The following PRKCI variants were observed in gnomAD, a reference collection of about 807,000 sequenced individuals.
The protein encoded by PRKCI is protein kinase C iota type.
In PRKCI, 43 loss-of-function variants were observed where a neutral mutation model predicts 84.0. The ratio of observed to expected loss-of-function variants is 0.51; its 90% CI spans 0.40 to 0.66. The LOEUF (loss-of-function observed/expected upper bound fraction) is 0.66. PRKCI is among the 30% of genes least tolerant of loss of function. The pLI is 0.00. For synonymous variants in PRKCI, 216 were observed against 234.4 expected, an observed-to-expected ratio of 0.92 and a Z score of 0.72; for missense variants, 459 against 745.6, an observed-to-expected ratio of 0.62 and a Z score of 4.48.
At chr3:170,245,970 T>TTC (rs1371135228) in intron 2 of PRKCI, among the ~76,000 whole-genome samples, 1 of 79,196 alleles carries the variant, frequency 1.3e-5, no homozygotes, top group Non-Finnish European at 2.8e-5. Context: ...TTTTTTTTTT[T>TTC]CTGACACAAA....
intron 8 of PRKCI, among the ~76,000 whole-genome samples, chr3:170,278,939 C>T (rs144323799): frequency 1.3e-5 from 2 of 152,180 alleles, no homozygotes; most frequent in Non-Finnish European, 2.9e-5. Context: ...GACCCAAACA[C>T]CTCCCACTAG....
At chr3:170,263,306 T>A (rs1371337830) in intron 3 of PRKCI, 73 bp from the exon 4 acceptor site, 1 of 1,342,080 alleles carries the variant, frequency 7.5e-7, no homozygotes. Flanking sequence ...TCTTTTACAT[T>A]TGAATTTTAA....
chr3:170,225,792 C>T lies in PRKCI; in HGVS notation c.101+3022C>T, dbSNP rs913232380. ...CATTTTTTTTAGTGAAAAAATTGCC[C>T]TCTCTTTTCAAAGATGTGTATAGTG... On this transcript the variant is annotated intron_variant, in intron 1 of 17. Transcript: ENST00000295797. 2.7e-4 allele frequency among the ~76,000 whole-genome samples: 41 copies of T among 151,918 alleles called. 1 individual carries two copies. The highest frequency in any genetic ancestry group is 9.9e-4 in the African/African-American group (41 of 41,394).
At chr3:170,300,813 C>T (rs1013722164) in intron 17 of PRKCI, among the ~76,000 whole-genome samples, 1 of 151,992 alleles carries the variant, frequency 6.6e-6, no homozygotes, top group Non-Finnish European at 1.5e-5. Context: ...GTCCTCCTCT[C>T]CCTTGATTAA....
At chr3:170,253,762 G>T (rs1434107810) in intron 2 of PRKCI, among the ~76,000 whole-genome samples, 3 of 151,980 alleles carry the variant, frequency 2.0e-5, no homozygotes, top group Non-Finnish European at 4.4e-5. Context: ...CTGCACTCCA[G>T]CCTGGGCGAC....
At position 170,297,486 on chromosome 3, in the gene PRKCI, G is replaced by C. The variant is rs1577377605; in HGVS notation, c.1587+93G>C. On this transcript the variant is annotated intron_variant, in intron 16 of 17. Coordinates refer to ENST00000295797, the MANE Select transcript of PRKCI (RefSeq NM_002740.6). ...TCTGTTTGTTTTTAGACAGAGTCTT[G>C]CTCTGTCACCGAGGCTGGAGTACAA... 7 of 1,026,372 alleles carry C rather than the reference G, an allele frequency of 6.8e-6. 1 individual carries two copies. In the South Asian group the frequency reaches 9.7e-5, roughly 14 times the overall value. The allele number at this position is 1,026,372 out of a possible 1,614,324, so 63.6% of individuals were successfully genotyped here.
intron 1 of PRKCI, among the ~76,000 whole-genome samples, chr3:170,227,466 T>C (rs1385103436): frequency 6.6e-6 from 1 of 152,098 alleles, no homozygotes; most frequent in African/African-American, 2.4e-5. Context: ...GGAATAGACG[T>C]TGGGGAGGAG....
chr3:170,261,459 T>A (rs1705594), intron 3 of PRKCI, among the ~76,000 whole-genome samples: 37,460 of 127,526 alleles, frequency 0.29, 5,226 homozygotes, highest in African/African-American at 0.4. Context: ...GTTTTTTTTT[T>A]AAAAAAAAAA....
intron 1 of PRKCI, among the ~76,000 whole-genome samples, chr3:170,226,373 A>T (rs1732628643): frequency 6.6e-6 from 1 of 152,190 alleles, no homozygotes; most frequent in East Asian, 1.9e-4. Flanking sequence ...TAGTGCTAGT[A>T]GTTTGGAGGA....
intron 15 of PRKCI, 62 bp from the exon 16 acceptor site, chr3:170,297,242 A>C (rs1734705764): frequency 3.0e-6 from 4 of 1,354,612 alleles, no homozygotes; most frequent in Admixed American, 1.7e-5. Context: ...CACAGATCAC[A>C]AAGATGATTT....
chr3:170,281,891 T>C lies in PRKCI; in HGVS notation c.990T>C (p.Phe330=). 1.3e-6 allele frequency: 2 copies of C among 1,598,260 alleles called. No individual in the cohort carries two copies. Among genetic ancestry groups the C allele is most frequent in the Middle Eastern group, 1.7e-4 (1 of 6,006 alleles). ...SCFQTESRLF[F]VIEYVNGGDL... ...CTCTCCTGTGTTTTAGATTGTTCTT[T>C]GTTATAGAGTATGTAAATGGAGGAG... Residue 330 remains phenylalanine, a synonymous_variant, in exon 11 of 18, where the codon TTT becomes TTC. Coordinates refer to ENST00000295797, the MANE Select transcript of PRKCI (RefSeq NM_002740.6).
At position 170,283,081 on chromosome 3, in the gene PRKCI, G is replaced by A. The variant is rs533458351; in HGVS notation, c.1067+1113G>A. On this transcript the variant is annotated intron_variant, in intron 11 of 17. Transcript: ENST00000295797. ...GATTGCGCCACTGCACTCCAGCCTG[G>A]GTGAAAGAGCGAGACTCCGTCTCAA... 4.0e-5 allele frequency among the ~76,000 whole-genome samples: 6 copies of A among 151,894 alleles called. No individual in the cohort carries two copies. The East Asian group carries it at 9.7e-4, about 24-fold the overall frequency.
intron 17 of PRKCI, among the ~76,000 whole-genome samples, chr3:170,301,903 C>T (rs779078662): frequency 2.9e-4 from 44 of 152,146 alleles, no homozygotes; most frequent in Admixed American, 1.1e-3. Context: ...TAAGGCCTCC[C>T]CACATCTGCT....
At chr3:170,239,399 G>A (rs1733061972) in intron 2 of PRKCI, among the ~76,000 whole-genome samples, 1 of 152,104 alleles carries the variant, frequency 6.6e-6, no homozygotes, top group Non-Finnish European at 1.5e-5. Context: ...TCAATAAAAT[G>A]CTTCTTATCA....
chr3:170,265,559 G>A (rs1210871336), intron 4 of PRKCI, among the ~76,000 whole-genome samples: 1 of 151,974 alleles, frequency 6.6e-6, no homozygotes, highest in Admixed American at 6.6e-5. Flanking sequence ...CATCACTTTA[G>A]AAGGAATAGT....
chr3:170,248,682 T>C (rs1190730481), intron 2 of PRKCI, among the ~76,000 whole-genome samples: 1 of 152,152 alleles, frequency 6.6e-6, no homozygotes, highest in Admixed American at 6.5e-5. Flanking sequence ...GTAACTCTTA[T>C]TTTCATACTT....
chr3:170,238,594 C>CTTT (rs1231292323), intron 2 of PRKCI, among the ~76,000 whole-genome samples: 8 of 125,112 alleles, frequency 6.4e-5, no homozygotes, highest in African/African-American at 2.3e-4. Context: ...CATTTCTTTT[C>CTTT]TTTTTTTTTT....
chr3:170,239,190 A>G (rs145535493), intron 2 of PRKCI, among the ~76,000 whole-genome samples: 42 of 152,364 alleles, frequency 2.8e-4, no homozygotes, highest in African/African-American at 9.4e-4. Context: ...TTTAAAGATC[A>G]GTAAGTGAAA....
rs1734076491 is a variant in PRKCI at position 170,274,829 on chromosome 3, G to A, written c.647-400G>A. On this transcript the variant is annotated intron_variant, in intron 7 of 17. Coordinates refer to ENST00000295797, the MANE Select transcript of PRKCI (RefSeq NM_002740.6). ...TTCTGAGTACAATGGAGTGAGAAGT[G>A]AAAACCAGAGGTCCTGTATCTCTAT... 2.0e-5 allele frequency among the ~76,000 whole-genome samples: 3 copies of A among 152,208 alleles called. No homozygotes were observed. The South Asian group carries it at 6.2e-4, about 32-fold the overall frequency.
Sources: allele counts gnomAD v4.1 joint callset (sites outside exome capture counted in the v4.1 genomes callset), GRCh38; gene constraint gnomAD v4.1.1; transcripts MANE v1.5; gene names NCBI Gene and HGNC (gene_info 2026-07-23, HGNC 2026-07-21).